The following WWOX variants were observed in gnomAD, a reference collection of about 807,000 sequenced individuals.
The protein encoded by WWOX is WW domain containing oxidoreductase, also known as WW domain-containing oxidoreductase.
WWOX carries 69 observed loss-of-function variants against 46.2 expected under a neutral mutation model. The ratio of observed to expected loss-of-function variants is 1.49; its 90% CI spans 1.23 to 1.82. The LOEUF is 1.82. Ranked by LOEUF, WWOX falls within the 40% of genes most tolerant of loss-of-function variation. WWOX has a pLI of 0.00. For missense variants in WWOX, 919 were observed against 542.6 expected (o/e 1.69, Z -6.89); for synonymous variants, 359 against 202.6 (o/e 1.77, Z -6.56).
chr16:78,560,105 T>C (rs957978668), intron 8 of WWOX, among the ~76,000 whole-genome samples: 2 of 152,206 alleles, frequency 1.3e-5, no homozygotes, highest in South Asian at 2.1e-4. Context: ...GTCTCTGCAG[T>C]TCAGGAGATT....
Position 78,348,898 on chromosome 16 carries a change from A to C in WWOX, c.517-37962A>C, listed in dbSNP as rs537761928. 2.2e-3 allele frequency among the ~76,000 whole-genome samples: 260 copies of C among 117,246 alleles called. 83 individuals are homozygous for C. Among genetic ancestry groups the C allele is most frequent in the Admixed American group, 5.1e-3 (62 of 12,060 alleles). 76.9% of individuals were successfully genotyped at this position (117,246 alleles called of 152,430 possible). A position where few individuals can be genotyped will look rare whatever the true frequency, so the allele number is the denominator to read the frequency against. On this transcript the variant is annotated intron_variant, in intron 5 of 8. Transcript: ENST00000566780. ...GTGGTGATACATTAATGGAGGCAAC[A>C]GAGGGTCAGAAATCAGGGTGGAAAA...
chr16:78,915,083 G>A (rs1390706975), intron 8 of WWOX, among the ~76,000 whole-genome samples: 1 of 152,098 alleles, frequency 6.6e-6, no homozygotes, highest in Non-Finnish European at 1.5e-5. Context: ...GGAGATGGAA[G>A]ACCTCTTGGC....
At chr16:78,588,174 C>A (rs542489665) in intron 8 of WWOX, among the ~76,000 whole-genome samples, 145 of 152,242 alleles carry the variant, frequency 9.5e-4, no homozygotes, top group African/African-American at 3.2e-3. Context: ...GGTGAAGTTT[C>A]CCCTGGGTGG....
intron 8 of WWOX, among the ~76,000 whole-genome samples, chr16:79,149,687 A>G (rs1439899909): frequency 1.3e-5 from 2 of 152,156 alleles, no homozygotes; most frequent in East Asian, 3.9e-4. Context: ...TTTCATCTGT[A>G]CTTCTCTCAG....
intron 8 of WWOX, among the ~76,000 whole-genome samples, chr16:78,959,981 A>T (rs2046242531): frequency 1.3e-5 from 2 of 152,144 alleles, no homozygotes; most frequent in Admixed American, 6.5e-5. Context: ...AAGGTGAGAG[A>T]CTTCTGGTTA....
At chr16:78,792,764 C>T (rs909991742) in intron 8 of WWOX, among the ~76,000 whole-genome samples, 5 of 152,086 alleles carry the variant, frequency 3.3e-5, no homozygotes, top group African/African-American at 9.7e-5. Flanking sequence ...AAGAGTGGTT[C>T]AGGGTGGGAA....
intron 8 of WWOX, among the ~76,000 whole-genome samples, chr16:79,140,048 C>A (rs1057138650): frequency 2.0e-5 from 3 of 152,186 alleles, no homozygotes; most frequent in Admixed American, 6.5e-5. Context: ...CCTGATAAAG[C>A]ATTTTTGGAT....
chr16:78,478,014 G>A (rs533679860), intron 8 of WWOX, among the ~76,000 whole-genome samples: 1 of 152,112 alleles, frequency 6.6e-6, no homozygotes, highest in Non-Finnish European at 1.5e-5. Context: ...CCTAACATTT[G>A]TTATTTTAAA....
chr16:78,203,471 A>C (rs2036294425), intron 5 of WWOX, among the ~76,000 whole-genome samples: 1 of 152,208 alleles, frequency 6.6e-6, no homozygotes, highest in Non-Finnish European at 1.5e-5. Flanking sequence ...TTATGACGGA[A>C]AAGGCAAAAT....
chr16:78,155,059 G>T (rs1440098110), intron 4 of WWOX, among the ~76,000 whole-genome samples: 1 of 152,144 alleles, frequency 6.6e-6, no homozygotes, highest in East Asian at 1.9e-4. Context: ...GTGGGATTGG[G>T]CCCCCAGTGG....
At chr16:78,879,159 G>T (rs1379765313) in intron 8 of WWOX, among the ~76,000 whole-genome samples, 3 of 152,098 alleles carry the variant, frequency 2.0e-5, no homozygotes, top group Admixed American at 2.0e-4. Context: ...TAAGAAAATC[G>T]AAGTTGAGGG....
chr16:78,913,557 G>A (rs1201618125), intron 8 of WWOX, among the ~76,000 whole-genome samples: 1 of 151,904 alleles, frequency 6.6e-6, no homozygotes, highest in African/African-American at 2.4e-5. Context: ...GTCACTTGTC[G>A]ATCAGAAATA....
intron 8 of WWOX, among the ~76,000 whole-genome samples, chr16:78,774,098 A>G (rs954990130): frequency 6.6e-6 from 1 of 152,026 alleles, no homozygotes; most frequent in Admixed American, 6.5e-5. Context: ...AGGGCTGGAG[A>G]TTTTTATTAA....
chr16:78,469,175 A>G (rs190033101), intron 8 of WWOX, among the ~76,000 whole-genome samples: 1 of 152,312 alleles, frequency 6.6e-6, no homozygotes, highest in Non-Finnish European at 1.5e-5. Flanking sequence ...CATGCTTGTT[A>G]TGGAAATCGT....
At chr16:78,126,615 A>G (rs907071544) in intron 4 of WWOX, among the ~76,000 whole-genome samples, 1 of 152,148 alleles carries the variant, frequency 6.6e-6, no homozygotes, top group Non-Finnish European at 1.5e-5. Context: ...AGTGTCTATT[A>G]CTTTAAGTAC....
intron 8 of WWOX, among the ~76,000 whole-genome samples, chr16:78,812,837 C>G (rs932794790): frequency 6.6e-6 from 1 of 152,156 alleles, no homozygotes; most frequent in African/African-American, 2.4e-5. Flanking sequence ...AGTTTTCAAA[C>G]TTTTTAAATA....
At chr16:78,802,820 G>A (rs764495704) in intron 8 of WWOX, among the ~76,000 whole-genome samples, 1 of 148,822 alleles carries the variant, frequency 6.7e-6, no homozygotes, top group Non-Finnish European at 1.5e-5. Flanking sequence ...GGAGGCTGAA[G>A]CAGGAGAATT....
chr16:78,325,226 G>A (rs1367359162), intron 5 of WWOX, among the ~76,000 whole-genome samples: 2 of 152,174 alleles, frequency 1.3e-5, no homozygotes, highest in African/African-American at 4.8e-5. Context: ...CAGGAGAAAT[G>A]AAAAATCACA....
At chr16:78,836,264 G>A (rs986706398) in intron 8 of WWOX, among the ~76,000 whole-genome samples, 2 of 152,054 alleles carry the variant, frequency 1.3e-5, no homozygotes, top group Admixed American at 6.5e-5. Flanking sequence ...TCCTTGGCAA[G>A]TTGTACTGCT....
Sources: allele counts gnomAD v4.1 joint callset (sites outside exome capture counted in the v4.1 genomes callset), GRCh38; gene constraint gnomAD v4.1.1; transcripts MANE v1.5; gene names NCBI Gene and HGNC (gene_info 2026-07-23, HGNC 2026-07-21).